Variants in TENM3 observed in about 807,000 individuals in gnomAD.
TENM3 encodes the protein teneurin-3.
A neutral mutation model predicts 255.1 loss-of-function variants in TENM3; 63 were observed. The ratio of observed to expected loss-of-function variants is 0.25; its 90% CI spans 0.20 to 0.30. The LOEUF (loss-of-function observed/expected upper bound fraction) is 0.30. Ranked by LOEUF, TENM3 falls within the 10% of genes least tolerant of loss-of-function variation. The pLI is 1.00. For synonymous variants in TENM3, 1,306 were observed against 1,322.3 expected (o/e 0.99, Z 0.27); for missense variants, 2,929 against 3,461.1 (o/e 0.85, Z 3.86).
chr4:181,633,633 G>A, the TENM3 span, among the ~76,000 whole-genome samples: 3 of 152,136 alleles, frequency 2.0e-5, no homozygotes, highest in Non-Finnish European at 4.4e-5. Flanking sequence ...CAGAGCCTGA[G>A]GGTTATGACT....
At chr4:181,542,825 AGTTG>A in the TENM3 span, among the ~76,000 whole-genome samples, 272 of 152,286 alleles carry the variant, frequency 1.8e-3, 2 homozygotes, top group African/African-American at 6.4e-3. Flanking sequence ...CGCATGTTAG[AGTTG>A]GGGTGAGACT....
chr4:181,964,197 G>T, the TENM3 span, among the ~76,000 whole-genome samples: 1 of 151,356 alleles, frequency 6.6e-6, no homozygotes, highest in Non-Finnish European at 1.5e-5. Flanking sequence ...AGTATCTCTT[G>T]CCTTAGGTGG....
intron 5 of TENM3, among the ~76,000 whole-genome samples, chr4:182,645,541 G>C (rs1006409662): frequency 4.6e-5 from 7 of 152,102 alleles, no homozygotes; most frequent in African/African-American, 1.7e-4. Context: ...TTGCAACTGG[G>C]CCCAACTTAG....
the TENM3 span, among the ~76,000 whole-genome samples, chr4:181,668,282 C>T: frequency 1.3e-5 from 2 of 152,324 alleles, no homozygotes; most frequent in South Asian, 2.1e-4. Flanking sequence ...ACTAGGCTTA[C>T]TTCCCACTAA....
the TENM3 span, among the ~76,000 whole-genome samples, chr4:181,495,783 T>A: frequency 6.6e-6 from 1 of 150,668 alleles, no homozygotes; most frequent in Non-Finnish European, 1.5e-5. Flanking sequence ...TGGGGATGCA[T>A]GAGAGAATTT....
chr4:182,372,197 T>C (rs1766869286), intron 3 of TENM3, among the ~76,000 whole-genome samples: 1 of 152,172 alleles, frequency 6.6e-6, no homozygotes, highest in African/African-American at 2.4e-5. Flanking sequence ...GCACAAATCA[T>C]TAGGAATAAA....
the TENM3 span, among the ~76,000 whole-genome samples, chr4:181,754,237 A>G: frequency 1.6e-4 from 24 of 151,214 alleles, no homozygotes; most frequent in East Asian, 2.4e-3. Flanking sequence ...GAAACAACTT[A>G]TCATCTTCAT....
At chr4:181,474,640 C>T in the TENM3 span, among the ~76,000 whole-genome samples, 3 of 150,728 alleles carry the variant, frequency 2.0e-5, no homozygotes, top group African/African-American at 7.3e-5. Flanking sequence ...GAGGCTGAGG[C>T]AGGAGAATTG....
At chr4:182,545,001 G>T (rs538359369) in intron 3 of TENM3, among the ~76,000 whole-genome samples, 2 of 152,246 alleles carry the variant, frequency 1.3e-5, no homozygotes, top group African/African-American at 4.8e-5. Flanking sequence ...CGTACATGCT[G>T]GATCTCATTT....
At chr4:181,737,993 A>C in the TENM3 span, among the ~76,000 whole-genome samples, 1 of 151,888 alleles carries the variant, frequency 6.6e-6, no homozygotes, top group African/African-American at 2.4e-5. Context: ...AATGAGGAAA[A>C]ATAGCTGGAA....
the TENM3 span, among the ~76,000 whole-genome samples, chr4:181,705,496 T>C: frequency 6.6e-6 from 1 of 152,222 alleles, no homozygotes; most frequent in Non-Finnish European, 1.5e-5. Flanking sequence ...TGATGAGAAA[T>C]GACTTATGTG....
chr4:182,708,662 G>A (rs1046865741), intron 12 of TENM3, among the ~76,000 whole-genome samples: 6 of 152,164 alleles, frequency 3.9e-5, no homozygotes, highest in African/African-American at 7.2e-5. Flanking sequence ...GCCAGGTGTG[G>A]TGGCGGGCGC....
chr4:181,909,742 G>A, the TENM3 span, among the ~76,000 whole-genome samples: 1 of 152,108 alleles, frequency 6.6e-6, no homozygotes, highest in Non-Finnish European at 1.5e-5. Flanking sequence ...GAAACAGCAG[G>A]TACTTGATAA....
At chr4:181,879,563 G>A in the TENM3 span, among the ~76,000 whole-genome samples, 1 of 152,142 alleles carries the variant, frequency 6.6e-6, no homozygotes, top group Non-Finnish European at 1.5e-5. Context: ...CTCTTCTCAT[G>A]GGAAAGTGTT....
At chr4:182,544,401 G>A (rs1258627576) in intron 3 of TENM3, among the ~76,000 whole-genome samples, 2 of 139,494 alleles carry the variant, frequency 1.4e-5, no homozygotes, top group African/African-American at 5.4e-5. Flanking sequence ...TGTGATCTTG[G>A]CTCACTGCAA....
the TENM3 span, among the ~76,000 whole-genome samples, chr4:181,989,393 TA>T: frequency 6.6e-6 from 1 of 151,960 alleles, no homozygotes; most frequent in African/African-American, 2.4e-5. Context: ...CACCTAAGGA[TA>T]AAGAGTGAGG....
intron 6 of TENM3, among the ~76,000 whole-genome samples, chr4:182,669,474 G>A (rs1224496682): frequency 6.6e-6 from 1 of 152,022 alleles, no homozygotes; most frequent in African/African-American, 2.4e-5. Flanking sequence ...GTTTCACTGT[G>A]TTATCCAGGA....
chr4:182,284,639 T>A (rs1760612265), intron 1 of TENM3, among the ~76,000 whole-genome samples: 2 of 152,076 alleles, frequency 1.3e-5, no homozygotes. Flanking sequence ...GAGAAGCGTG[T>A]CAGACACTAG....
chr4:182,623,904 C>A (rs1425513812), intron 4 of TENM3, among the ~76,000 whole-genome samples: 1 of 152,186 alleles, frequency 6.6e-6, no homozygotes, highest in Non-Finnish European at 1.5e-5. Context: ...AGAAGTAATT[C>A]CGCTTCTTAG....
Sources: allele counts gnomAD v4.1 joint callset (sites outside exome capture counted in the v4.1 genomes callset), GRCh38; gene constraint gnomAD v4.1.1; transcripts MANE v1.5; gene names NCBI Gene and HGNC (gene_info 2026-07-23, HGNC 2026-07-21).